GALNTL6: variants seen among roughly 807,000 people sequenced by gnomAD.
GALNTL6 encodes the protein polypeptide N-acetylgalactosaminyltransferase like 6.
GALNTL6 carries 46 observed loss-of-function variants against 73.7 expected under a neutral mutation model. The observed-to-expected ratio is 0.62, with a 90% confidence interval of 0.49 to 0.80. The LOEUF (loss-of-function observed/expected upper bound fraction) is 0.80. GALNTL6 is among the 30% of genes least tolerant of loss of function. The probability of loss-of-function intolerance (pLI) is 0.00; values close to 1 mark genes in which losing one functional copy is unlikely to be tolerated. For synonymous variants in GALNTL6, 259 were observed against 263.7 expected (o/e 0.98, Z 0.17); for missense variants, 604 against 755.0 (o/e 0.80, Z 2.34).
chr4:172,060,086 T>C (rs567578129), intron 2 of GALNTL6, among the ~76,000 whole-genome samples: 6 of 152,322 alleles, frequency 3.9e-5, no homozygotes, highest in Admixed American at 3.9e-4. Flanking sequence ...TTCTTTTTCT[T>C]TTTTTCTTCT....
At chr4:171,996,506 A>T (rs1362618620) in intron 2 of GALNTL6, among the ~76,000 whole-genome samples, 2 of 152,102 alleles carry the variant, frequency 1.3e-5, no homozygotes, top group African/African-American at 4.8e-5. Context: ...TAGTAGAGGT[A>T]GCTAAAATTA....
intron 5 of GALNTL6, among the ~76,000 whole-genome samples, chr4:172,630,217 C>T (rs1043363364): frequency 1.3e-5 from 2 of 152,142 alleles, no homozygotes; most frequent in Non-Finnish European, 2.9e-5. Flanking sequence ...ATAACCATTA[C>T]AAACCTAAAA....
intron 2 of GALNTL6, among the ~76,000 whole-genome samples, chr4:172,192,107 A>C (rs567527357): frequency 2.0e-5 from 3 of 152,232 alleles, no homozygotes; most frequent in African/African-American, 7.2e-5. Context: ...TGCAAATTTG[A>C]AAGTGGTGTA....
chr4:172,461,511 T>C (rs1381624980), intron 5 of GALNTL6, among the ~76,000 whole-genome samples: 2 of 152,210 alleles, frequency 1.3e-5, no homozygotes, highest in African/African-American at 4.8e-5. Context: ...AGTTTTCTAC[T>C]GCTTCTTGTT....
At chr4:171,999,741 T>A (rs1343236779) in intron 2 of GALNTL6, among the ~76,000 whole-genome samples, 2 of 121,802 alleles carry the variant, frequency 1.6e-5, no homozygotes, top group African/African-American at 5.5e-5. Context: ...ATATGACAGA[T>A]TCTTACAACT....
intron 2 of GALNTL6, among the ~76,000 whole-genome samples, chr4:172,048,661 ACTT>A (rs1294447633): frequency 2.6e-5 from 4 of 152,210 alleles, no homozygotes; most frequent in African/African-American, 9.6e-5. Flanking sequence ...AAATGTAACT[ACTT>A]AAAATTTGTA....
intron 2 of GALNTL6, among the ~76,000 whole-genome samples, chr4:172,159,958 T>C (rs183079421): frequency 7.4e-4 from 112 of 152,164 alleles, no homozygotes; most frequent in African/African-American, 2.7e-3. Context: ...TGAACTCCAT[T>C]GACCTTTGTG....
chr4:172,094,299 T>C (rs1256159698), intron 2 of GALNTL6, among the ~76,000 whole-genome samples: 1 of 152,192 alleles, frequency 6.6e-6, no homozygotes. Context: ...TTTACACGAC[T>C]TTAAGATTGT....
At chr4:172,634,074 C>T (rs376730834) in intron 5 of GALNTL6, among the ~76,000 whole-genome samples, 1 of 152,126 alleles carries the variant, frequency 6.6e-6, no homozygotes, top group Non-Finnish European at 1.5e-5. Flanking sequence ...TGTAGCTCTC[C>T]CCAGTATGAC....
At chr4:172,957,396 T>A (rs1209070414) in intron 10 of GALNTL6, among the ~76,000 whole-genome samples, 1 of 152,104 alleles carries the variant, frequency 6.6e-6, no homozygotes, top group Non-Finnish European at 1.5e-5. Context: ...CCATTTGTCT[T>A]GTGTGGGAAG....
intron 5 of GALNTL6, among the ~76,000 whole-genome samples, chr4:172,454,949 G>C (rs1341578921): frequency 1.3e-5 from 2 of 152,098 alleles, no homozygotes; most frequent in Non-Finnish European, 2.9e-5. Flanking sequence ...AACAGCTCCA[G>C]TCTGCAGCTC....
At position 172,813,663 on chromosome 4, in the gene GALNTL6, A is replaced by G; in HGVS notation, c.863A>G (p.Tyr288Cys). 6.2e-7 allele frequency: 1 copy of G among 1,613,256 alleles called. No individual in the cohort carries two copies. Among genetic ancestry groups the G allele is most frequent in the Non-Finnish European group, 8.5e-7 (1 of 1,179,398 alleles). Residue 288 changes from tyrosine (Y) to cysteine (C), a missense_variant, in exon 7 of 13, where the codon TAC (tyrosine) becomes TGC (cysteine). Tyr to Cys is a radical substitution (Grantham distance 194). Around this residue, in one of 5 missense-constraint regions of GALNTL6, gnomAD observed 179 missense variants for 230.8 expected, o/e 0.78. Transcript: ENST00000506823. The part of the protein sequence containing the change: ...AMRGAFDWEM[Y>C]YKRIPIPPEL... ...CGAGGAGCCTTCGACTGGGAAATGT[A>G]CTACAAAAGAATCCCCATCCCTCCA...
At chr4:172,528,319 A>AATAT (rs3083419) in intron 5 of GALNTL6, among the ~76,000 whole-genome samples, 1,371 of 102,694 alleles carry the variant, frequency 0.013, 9 homozygotes, top group African/African-American at 0.022. Flanking sequence ...CTAGAAATAA[A>AATAT]ATATATATAT....
At chr4:172,796,569 C>T (rs939640516) in intron 5 of GALNTL6, among the ~76,000 whole-genome samples, 10 of 152,264 alleles carry the variant, frequency 6.6e-5, no homozygotes, top group Middle Eastern at 3.4e-3. Flanking sequence ...GAATCTAAGA[C>T]GCATTTTTGG....
chr4:172,553,526 T>G (rs1197903188), intron 5 of GALNTL6, among the ~76,000 whole-genome samples: 1 of 152,202 alleles, frequency 6.6e-6, no homozygotes, highest in Non-Finnish European at 1.5e-5. Flanking sequence ...TCACTTAAAA[T>G]GAGGAGTTAA....
In GALNTL6 at chr4:172,998,916, G is replaced by T. The variant is rs952927134; in HGVS notation, c.1372-10262G>T. On this transcript the variant is annotated intron_variant, in intron 10 of 12. Transcript: ENST00000506823. ...CTATTATTTCAATTCTTACTCATAC[G>T]TGGTTGCATCAGTCCAAGTCCAGCC... is the stretch of plus-strand genomic sequence containing the variant. Among the ~76,000 whole-genome samples the T allele has an allele frequency of 1.3e-5, 2 of 151,208 alleles. 1 individual carries two copies. The highest frequency in any genetic ancestry group is 3.9e-4 in the East Asian group (2 of 5,174).
intron 7 of GALNTL6, among the ~76,000 whole-genome samples, chr4:172,882,346 G>A (rs193221048): frequency 1.2e-3 from 187 of 152,198 alleles, no homozygotes; most frequent in Non-Finnish European, 1.8e-3. Flanking sequence ...TAGTGAATGC[G>A]TACTGAGAGA....
intron 8 of GALNTL6, among the ~76,000 whole-genome samples, chr4:172,898,553 T>C (rs1746457042): frequency 6.6e-6 from 1 of 152,138 alleles, no homozygotes. Context: ...ACATTTCCCA[T>C]ACAGAAATCT....
intron 2 of GALNTL6, among the ~76,000 whole-genome samples, chr4:171,993,708 G>A (rs72994958): frequency 0.017 from 2,614 of 151,926 alleles, 75 homozygotes; most frequent in African/African-American, 0.059. Flanking sequence ...TTAGTATTAT[G>A]AAAGAAAAGT....
Sources: allele counts gnomAD v4.1 joint callset (sites outside exome capture counted in the v4.1 genomes callset), GRCh38; gene constraint gnomAD v4.1.1; regional missense constraint gnomAD v4.1.1; transcripts MANE v1.5; gene names NCBI Gene and HGNC (gene_info 2026-07-23, HGNC 2026-07-21).